The following EBF1 variants were observed in gnomAD, a reference collection of about 807,000 sequenced individuals.
EBF1 encodes EBF transcription factor 1.
Under a neutral mutation model 68.4 loss-of-function variants are expected in EBF1, and 10 were observed. That is an observed-to-expected ratio of 0.15 (90% CI 0.09 to 0.25). The LOEUF (loss-of-function observed/expected upper bound fraction) is 0.25. Among genes scored for constraint, EBF1 ranks in the 10% least tolerant of loss-of-function variants. The pLI is 1.00. For missense variants in EBF1, 509 were observed against 794.4 expected, an observed-to-expected ratio of 0.64 and a Z score of 4.32; for synonymous variants, 298 against 299.8, an observed-to-expected ratio of 0.99 and a Z score of 0.06.
At chr5:158,760,190 T>C (rs189359414) in intron 10 of EBF1, among the ~76,000 whole-genome samples, 6 of 152,302 alleles carry the variant, frequency 3.9e-5, no homozygotes, top group Admixed American at 2.6e-4. Context: ...CAGGCCAAAT[T>C]TATTTAAAGA....
intron 6 of EBF1, among the ~76,000 whole-genome samples, chr5:158,989,954 A>C (rs973105975): frequency 6.6e-6 from 1 of 152,228 alleles, no homozygotes. Flanking sequence ...CATGGAAAAG[A>C]CAACGAGAAT....
At chr5:159,050,144 GTTTCTC>G (rs1289454644) in intron 6 of EBF1, among the ~76,000 whole-genome samples, 1 of 130,146 alleles carries the variant, frequency 7.7e-6, no homozygotes, top group Non-Finnish European at 1.6e-5. Context: ...CAAGAGGTTC[GTTTCTC>G]TTTCTCTCTC....
intron 6 of EBF1, among the ~76,000 whole-genome samples, chr5:158,852,985 G>T (rs1473197862): frequency 6.6e-6 from 1 of 152,106 alleles, no homozygotes; most frequent in Non-Finnish European, 1.5e-5. Context: ...GATAAGAAAT[G>T]ATCTAATCCA....
At chr5:158,872,926 A>T (rs1274648788) in intron 6 of EBF1, among the ~76,000 whole-genome samples, 1 of 152,002 alleles carries the variant, frequency 6.6e-6, no homozygotes, top group Non-Finnish European at 1.5e-5. Context: ...GAATAACAAA[A>T]CAAGCTAATA....
chr5:159,072,421 T>C (rs1777977108), intron 6 of EBF1, among the ~76,000 whole-genome samples: 1 of 152,204 alleles, frequency 6.6e-6, no homozygotes, highest in Admixed American at 6.5e-5. Flanking sequence ...GATGGGTTTT[T>C]TTTTCTTTTG....
At chr5:159,080,403 A>G (rs1201172484) in intron 5 of EBF1, among the ~76,000 whole-genome samples, 3 of 152,172 alleles carry the variant, frequency 2.0e-5, no homozygotes, top group African/African-American at 7.2e-5. Context: ...CTCCCCTACT[A>G]CAGAACAAAG....
At chr5:159,064,403 T>A (rs1487397640) in intron 6 of EBF1, among the ~76,000 whole-genome samples, 1 of 151,950 alleles carries the variant, frequency 6.6e-6, no homozygotes, top group Non-Finnish European at 1.5e-5. Flanking sequence ...AGATGTGGAG[T>A]TTCTAATCAC....
chr5:159,002,176 T>C (rs1012219318), intron 6 of EBF1, among the ~76,000 whole-genome samples: 1 of 150,988 alleles, frequency 6.6e-6, no homozygotes, highest in Admixed American at 6.6e-5. Context: ...TTTTTTTTCA[T>C]TTTCCATTTA....
At chr5:159,087,389 T>C (rs1361068725) in intron 4 of EBF1, among the ~76,000 whole-genome samples, 3 of 144,270 alleles carry the variant, frequency 2.1e-5, no homozygotes, top group African/African-American at 7.9e-5. Flanking sequence ...TATACACATA[T>C]ATATACATAT....
At position 158,696,717 on chromosome 5, in the gene EBF1, T is replaced by G; in HGVS notation, c.*2394A>C. The stretch of plus-strand genomic sequence containing the variant: ...CTCCCCTACCCTCCCACAACTCCCC[T>G]CCCCCACCCACCCCAACCCATAAAA... On this transcript the variant is annotated 3_prime_UTR_variant, in exon 16 of 16. Coordinates refer to ENST00000313708, the MANE Select transcript of EBF1 (RefSeq NM_024007.5). 3.2e-5 allele frequency: 1 copy of G among 31,010 alleles called. No homozygotes were observed. The allele number at this position is 31,010 out of a possible 1,614,324, so 1.9% of individuals were successfully genotyped here.
intron 6 of EBF1, among the ~76,000 whole-genome samples, chr5:158,957,857 A>G (rs181348957): frequency 6.6e-6 from 1 of 152,346 alleles, no homozygotes; most frequent in African/African-American, 2.4e-5. Context: ...AGGTTTAAAT[A>G]CCTTCAAGGA....
chr5:158,836,042 A>T (rs1238006837), intron 7 of EBF1, among the ~76,000 whole-genome samples: 1 of 152,226 alleles, frequency 6.6e-6, no homozygotes, highest in Non-Finnish European at 1.5e-5. Context: ...AGACACAGTT[A>T]TCTTCCCAGC....
chr5:158,930,871 A>T (rs1318208851), intron 6 of EBF1, among the ~76,000 whole-genome samples: 1 of 150,440 alleles, frequency 6.6e-6, no homozygotes, highest in Non-Finnish European at 1.5e-5. Context: ...GTCTCCTTTA[A>T]TTTTCTCAGG....
At position 158,985,297 on chromosome 5, in the gene EBF1, A is replaced by C. The variant is rs182562462; in HGVS notation, c.554+88099T>G. 3.9e-5 allele frequency among the ~76,000 whole-genome samples: 6 copies of C among 152,316 alleles called. No homozygotes were observed. In the East Asian group the frequency reaches 1.2e-3, roughly 29 times the overall value. ...CCAGCTTTGGGACCATGTGAAAGCC[A>C]CTGAACATCACCTATCTTGACCATA... On this transcript the variant is annotated intron_variant, in intron 6 of 15. Transcript: ENST00000313708.
intron 10 of EBF1, among the ~76,000 whole-genome samples, chr5:158,752,398 A>G (rs1351837680): frequency 1.3e-5 from 2 of 152,108 alleles, no homozygotes; most frequent in African/African-American, 4.8e-5. Context: ...GGAAATCTAT[A>G]AAGATGCAGA....
intron 10 of EBF1, among the ~76,000 whole-genome samples, chr5:158,752,276 A>G (rs1769068082): frequency 6.6e-6 from 1 of 151,684 alleles, no homozygotes; most frequent in African/African-American, 2.4e-5. Flanking sequence ...TTACTATTAT[A>G]ACTTAGAAAC....
At chr5:158,925,702 T>C (rs1428147023) in intron 6 of EBF1, among the ~76,000 whole-genome samples, 1 of 152,194 alleles carries the variant, frequency 6.6e-6, no homozygotes, top group African/African-American at 2.4e-5. Context: ...CACTGCACCA[T>C]CTCCAGATTT....
intron 6 of EBF1, among the ~76,000 whole-genome samples, chr5:158,968,473 G>T (rs1416721037): frequency 6.6e-6 from 1 of 152,212 alleles, no homozygotes; most frequent in African/African-American, 2.4e-5. Flanking sequence ...TGTCCCTGGA[G>T]GTGCACTGCT....
At chr5:158,732,952 C>A (rs1250804664) in intron 10 of EBF1, among the ~76,000 whole-genome samples, 2 of 152,146 alleles carry the variant, frequency 1.3e-5, no homozygotes, top group Non-Finnish European at 2.9e-5. Flanking sequence ...TGTATCAAAT[C>A]TTTCTATCTA....
Sources: allele counts gnomAD v4.1 joint callset (sites outside exome capture counted in the v4.1 genomes callset), GRCh38; gene constraint gnomAD v4.1.1; transcripts MANE v1.5; gene names NCBI Gene and HGNC (gene_info 2026-07-23, HGNC 2026-07-21).